The following TENM2 variants were observed in gnomAD, a reference collection of about 807,000 sequenced individuals.
TENM2 encodes teneurin-2.
In TENM2, 52 loss-of-function variants were observed where a neutral mutation model predicts 245.2. That is an observed-to-expected ratio of 0.21 (90% CI 0.17 to 0.27). The LOEUF (loss-of-function observed/expected upper bound fraction) is 0.27. Ranked by LOEUF, TENM2 falls within the 10% of genes least tolerant of loss-of-function variation. The pLI is 1.00. For synonymous variants in TENM2, 1,363 were observed against 1,438.9 expected (o/e 0.95, Z 1.19); for missense variants, 3,046 against 3,666.8 (o/e 0.83, Z 4.37).
chr5:166,986,568 C>T, the TENM2 span, among the ~76,000 whole-genome samples: 1 of 152,254 alleles, frequency 6.6e-6, no homozygotes, highest in Non-Finnish European at 1.5e-5. Context: ...ACCACAAAAT[C>T]TTTAAAGTCC....
intron 9 of TENM2, among the ~76,000 whole-genome samples, chr5:168,105,822 A>G (rs1267306396): frequency 6.6e-6 from 1 of 152,028 alleles, no homozygotes; most frequent in Non-Finnish European, 1.5e-5. Flanking sequence ...TGTTATTACT[A>G]TTTCCCTTGC....
chr5:167,496,786 A>T (rs918765469), intron 2 of TENM2, among the ~76,000 whole-genome samples: 2 of 152,098 alleles, frequency 1.3e-5, no homozygotes, highest in African/African-American at 4.8e-5. Context: ...AGAACCGGGG[A>T]TGCTAGCCAT....
In TENM2 at chr5:167,988,036, G is replaced by A. The variant is rs73801481; in HGVS notation, c.948-4908G>A. On this transcript the variant is annotated intron_variant, in intron 4 of 28. Transcript: ENST00000518659. Reference sequence around the variant, plus strand: ...ACCACAGTGCCAATGAGCGGCCTGAGAGCTACATCCTGCGAGGGTTTATGC... The same window carrying A: ...ACCACAGTGCCAATGAGCGGCCTGAAAGCTACATCCTGCGAGGGTTTATGC... Among the ~76,000 whole-genome samples the A allele has an allele frequency of 3.1e-3, 474 of 152,280 alleles. 3 individuals are homozygous for A. Among genetic ancestry groups the A allele is most frequent in the African/African-American group, 0.011 (438 of 41,554 alleles).
At chr5:167,163,575 C>T in the TENM2 span, among the ~76,000 whole-genome samples, 11 of 152,134 alleles carry the variant, frequency 7.2e-5, no homozygotes, top group African/African-American at 2.4e-4. Context: ...GTATCCTATC[C>T]TTTACACGCT....
At chr5:168,060,750 T>C (rs1392950477) in intron 6 of TENM2, among the ~76,000 whole-genome samples, 2 of 152,200 alleles carry the variant, frequency 1.3e-5, no homozygotes, top group African/African-American at 4.8e-5. Context: ...TCTGTGGTTT[T>C]CTTTTATAAT....
chr5:168,257,479 G>A (rs1276453630), intron 27 of TENM2, among the ~76,000 whole-genome samples: 1 of 152,236 alleles, frequency 6.6e-6, no homozygotes, highest in African/African-American at 2.4e-5. Flanking sequence ...GCGAGGGAGA[G>A]CATGGGAGAT....
At chr5:167,312,648 T>A (rs1171009129) in intron 1 of TENM2, among the ~76,000 whole-genome samples, 1 of 152,146 alleles carries the variant, frequency 6.6e-6, no homozygotes, top group East Asian at 1.9e-4. Flanking sequence ...TGGTCTTATG[T>A]GAAAATTAAA....
At chr5:168,064,426 T>C (rs1266617516) in intron 7 of TENM2, among the ~76,000 whole-genome samples, 1 of 152,102 alleles carries the variant, frequency 6.6e-6, no homozygotes, top group African/African-American at 2.4e-5. Flanking sequence ...CCCCTTCTCT[T>C]GCATGCTCCA....
At chr5:167,915,059 A>G (rs1321113278) in intron 3 of TENM2, among the ~76,000 whole-genome samples, 3 of 152,180 alleles carry the variant, frequency 2.0e-5, no homozygotes, top group Non-Finnish European at 4.4e-5. Context: ...GCGAGTTAAC[A>G]TATTCACAGG....
intron 12 of TENM2, among the ~76,000 whole-genome samples, chr5:168,159,618 T>C (rs999239630): frequency 6.6e-6 from 1 of 152,240 alleles, no homozygotes; most frequent in Non-Finnish European, 1.5e-5. Context: ...TGGGGTTAGC[T>C]TGGGGTTGCC....
chr5:167,558,548 C>A (rs146856993), intron 2 of TENM2, among the ~76,000 whole-genome samples: 2 of 152,236 alleles, frequency 1.3e-5, no homozygotes, highest in Non-Finnish European at 2.9e-5. Context: ...GCATTAGATT[C>A]GCATAGGAGC....
the TENM2 span, among the ~76,000 whole-genome samples, chr5:167,048,215 AT>A: frequency 6.6e-6 from 1 of 152,216 alleles, no homozygotes; most frequent in Non-Finnish European, 1.5e-5. Flanking sequence ...CAAGGGAATC[AT>A]AACATTGATG....
intron 27 of TENM2, among the ~76,000 whole-genome samples, chr5:168,253,246 C>T (rs1343369265): frequency 3.3e-5 from 5 of 151,790 alleles, no homozygotes; most frequent in Non-Finnish European, 4.4e-5. Flanking sequence ...GGATTACAGG[C>T]GTGAGCCACC....
intron 2 of TENM2, among the ~76,000 whole-genome samples, chr5:167,722,368 A>C (rs60495422): frequency 0.17 from 26,190 of 152,190 alleles, 2,639 homozygotes; most frequent in East Asian, 0.41. Context: ...TTTCCAAGAG[A>C]TAAGTAGGTA....
intron 2 of TENM2, among the ~76,000 whole-genome samples, chr5:167,714,699 C>G (rs1395578328): frequency 6.6e-6 from 1 of 152,128 alleles, no homozygotes; most frequent in Non-Finnish European, 1.5e-5. Context: ...ATTTATTAGC[C>G]AGACTTAAGA....
At chr5:167,171,832 G>A in the TENM2 span, among the ~76,000 whole-genome samples, 13 of 152,254 alleles carry the variant, frequency 8.5e-5, no homozygotes, top group Non-Finnish European at 1.5e-4. Flanking sequence ...CACAGGGTGC[G>A]TGAAGCTATC....
chr5:168,162,753 G>A (rs780265429), exon 13 of TENM2: 14 of 1,613,964 alleles, frequency 8.7e-6, no homozygotes, highest in Non-Finnish European at 1.1e-5. Flanking sequence ...AGGATAATGA[G>A]GGAGGTGAGC....
chr5:168,167,208 C>T (rs780981146), intron 13 of TENM2, among the ~76,000 whole-genome samples: 4 of 152,034 alleles, frequency 2.6e-5, no homozygotes, highest in East Asian at 1.9e-4. Flanking sequence ...AAGTGACAGG[C>T]GGATAATATT....
the TENM2 span, among the ~76,000 whole-genome samples, chr5:167,105,685 G>A: frequency 1.7e-4 from 26 of 151,244 alleles, no homozygotes; most frequent in Admixed American, 1.6e-3. Flanking sequence ...TCAGGAGATC[G>A]AGACCATCCC....
Sources: gnomAD v4.1 joint callset for allele counts (sites outside exome capture counted in the v4.1 genomes callset) on GRCh38, gnomAD v4.1.1 for gene constraint, MANE v1.5 for transcripts, NCBI Gene and HGNC (gene_info 2026-07-23, HGNC 2026-07-21) for gene names.